The following SATB2 variants were observed in gnomAD, a reference collection of about 807,000 sequenced individuals.
The protein encoded by SATB2 is SATB homeobox 2, also known as DNA-binding protein SATB2.
In SATB2, 1 loss-of-function variant was observed where a neutral mutation model predicts 73.4. The ratio of observed to expected loss-of-function variants is 0.01; its 90% CI spans 0.00 to 0.06. The LOEUF (loss-of-function observed/expected upper bound fraction) is 0.06. Among genes scored for constraint, SATB2 ranks in the 10% least tolerant of loss-of-function variants. The probability of loss-of-function intolerance (pLI) is 1.00; values close to 1 mark genes in which losing one functional copy is unlikely to be tolerated. For synonymous variants in SATB2, 397 were observed against 367.0 expected, an observed-to-expected ratio of 1.08 and a Z score of -0.93; for missense variants, 459 against 945.8, an observed-to-expected ratio of 0.49 and a Z score of 6.75.
At chr2:199,382,140 C>T (rs1275896976) in intron 3 of SATB2, among the ~76,000 whole-genome samples, 1 of 152,012 alleles carries the variant, frequency 6.6e-6, no homozygotes, top group Admixed American at 6.6e-5. Context: ...AAGGCTGATG[C>T]TAAATATACA....
At chr2:199,355,342 G>A (rs74182320) in intron 6 of SATB2, among the ~76,000 whole-genome samples, 1,030 of 5,246 alleles carry the variant, frequency 0.2, 60 homozygotes, top group Middle Eastern at 0.5. Flanking sequence ...GTGTGTGTGT[G>A]TGTATCTATA....
Position 199,308,061 on chromosome 2 carries a change from C to T in SATB2, c.1740+699G>A, listed in dbSNP as rs989034361. ...CTAGGGGGTCTAACGTTGGAAACCT[C>T]AACTAATATTTCTTCTTAAAAGCAA... On this transcript the variant is annotated intron_variant, in intron 10 of 10. Coordinates refer to ENST00000417098, the MANE Select transcript of SATB2 (RefSeq NM_001172509.2). This position sits in a 1 kb window ranked among gnomAD's most constrained non-coding sequence, Gnocchi z 4.6. Among the ~76,000 whole-genome samples, 6 of 152,158 alleles carry T rather than the reference C, an allele frequency of 3.9e-5. No homozygotes were observed. The highest frequency in any genetic ancestry group is 8.8e-5 in the Non-Finnish European group (6 of 68,028).
At chr2:199,277,469 C>A (rs868329432) in intron 10 of SATB2, among the ~76,000 whole-genome samples, 7 of 152,144 alleles carry the variant, frequency 4.6e-5, no homozygotes, top group African/African-American at 1.7e-4. Context: ...CTATCCACTC[C>A]TTTTTACTCT....
rs201077761 is a variant in SATB2, at chr2:199,329,839, T to TGTC, written c.1174-932_1174-930dup. 2.2e-4 allele frequency among the ~76,000 whole-genome samples: 34 copies of TGTC among 152,252 alleles called. No homozygotes were observed. The East Asian group carries it at 6.6e-3, about 29-fold the overall frequency. On this transcript the variant is annotated intron_variant, in intron 7 of 10. Transcript: ENST00000417098. ...GGGCTGGAGATCTAAGGTGGGACATTGTCGTACTGGGGGTAGGTGCAGGTC... is the reference window on the plus strand; with the variant it reads ...GGGCTGGAGATCTAAGGTGGGACATTGTCGTCGTACTGGGGGTAGGTGCAGGTC...
At chr2:199,288,863 AG>A (rs746250782) in intron 10 of SATB2, among the ~76,000 whole-genome samples, 5 of 152,206 alleles carry the variant, frequency 3.3e-5, no homozygotes, top group African/African-American at 1.2e-4. Context: ...TGATCAAAGA[AG>A]GGTTTTCGCC....
At chr2:199,413,247 C>T (rs1690876290) in intron 3 of SATB2, among the ~76,000 whole-genome samples, 1 of 152,160 alleles carries the variant, frequency 6.6e-6, no homozygotes, top group African/African-American at 2.4e-5. Context: ...TTTTGGCTTA[C>T]AGGCTTTGAA....
At chr2:199,391,894 T>C (rs1690154171) in intron 3 of SATB2, among the ~76,000 whole-genome samples, 1 of 152,232 alleles carries the variant, frequency 6.6e-6, no homozygotes, top group East Asian at 1.9e-4. Flanking sequence ...TCCCCTTGCA[T>C]GTCTAGTTAT....
rs1240250915 is a variant in SATB2 at position 199,270,282 on chromosome 2, T to C, written c.*1929A>G. 3.3e-5 allele frequency: 5 copies of C among 152,754 alleles called. No homozygotes were observed. Among genetic ancestry groups the C allele is most frequent in the Non-Finnish European group, 7.3e-5 (5 of 68,028 alleles). 9.5% of individuals were successfully genotyped at this position (152,754 alleles called of 1,614,324 possible). A position where few individuals can be genotyped will look rare whatever the true frequency, so the allele number is the denominator to read the frequency against. Reference sequence around the variant, plus strand: ...TCCCTTTAAAAACTCCAGAGGTTACTGAGCAGCTAGAATTAGCTTGTATTG... The same window carrying C: ...TCCCTTTAAAAACTCCAGAGGTTACCGAGCAGCTAGAATTAGCTTGTATTG... On this transcript the variant is annotated 3_prime_UTR_variant, in exon 11 of 11. Transcript: ENST00000417098.
At chr2:199,378,324 C>T (rs1244948008) in intron 5 of SATB2, among the ~76,000 whole-genome samples, 10 of 152,200 alleles carry the variant, frequency 6.6e-5, no homozygotes, top group South Asian at 6.2e-4. Context: ...AAGCCCATTT[C>T]GACTTCCATG....
At chr2:199,296,684 A>AG (rs1687110004) in intron 10 of SATB2, among the ~76,000 whole-genome samples, 1 of 151,178 alleles carries the variant, frequency 6.6e-6, no homozygotes, top group Non-Finnish European at 1.5e-5. Context: ...GAGCAACCAG[A>AG]GTAAGACCCT....
At chr2:199,332,934 G>A in intron 7 of SATB2, among the ~76,000 whole-genome samples, 1 of 151,932 alleles carries the variant, frequency 6.6e-6, no homozygotes, top group South Asian at 2.1e-4. Context: ...CTCACACCTG[G>A]GCCAGGCTTT....
At chr2:199,379,834 C>A (rs752972092) in intron 5 of SATB2, among the ~76,000 whole-genome samples, 8 of 150,186 alleles carry the variant, frequency 5.3e-5, no homozygotes, top group Non-Finnish European at 1.0e-4. Flanking sequence ...GGCCCGTATA[C>A]GTAAATTGTT....
chr2:199,350,895 C>T (rs1156717323), intron 6 of SATB2, among the ~76,000 whole-genome samples: 2 of 151,758 alleles, frequency 1.3e-5, no homozygotes, highest in Non-Finnish European at 2.9e-5. Context: ...TGGTGGCATG[C>T]GCCTGTAATC....
intron 10 of SATB2, among the ~76,000 whole-genome samples, chr2:199,285,732 A>G (rs1692664229): frequency 1.3e-5 from 2 of 152,010 alleles, no homozygotes; most frequent in Non-Finnish European, 1.5e-5. Context: ...TTAAAAAAAA[A>G]AAGAGAGAGA....
intron 10 of SATB2, among the ~76,000 whole-genome samples, chr2:199,297,504 C>T (rs567912390): frequency 6.6e-6 from 1 of 152,338 alleles, no homozygotes; most frequent in East Asian, 1.9e-4. Context: ...TCTGCATCTT[C>T]ACTCTACTTG....
intron 10 of SATB2, among the ~76,000 whole-genome samples, chr2:199,300,192 A>G (rs904523193): frequency 6.7e-6 from 1 of 149,652 alleles, no homozygotes; most frequent in African/African-American, 2.4e-5. Flanking sequence ...GGAGGCAGGG[A>G]GGGAGGGAGA....
chr2:199,277,926 A>G (rs10497831), intron 10 of SATB2, among the ~76,000 whole-genome samples: 20,369 of 152,162 alleles, frequency 0.13, 1,565 homozygotes, highest in African/African-American at 0.19. Context: ...CTTGTCAAGC[A>G]TATCTTATTC....
At chr2:199,435,362 CT>C (rs756333310) in intron 2 of SATB2, among the ~76,000 whole-genome samples, 7,927 of 145,776 alleles carry the variant, frequency 0.054, 674 homozygotes, top group African/African-American at 0.18. Flanking sequence ...TTCAAATTAT[CT>C]TTTTTTTTTT....
intron 7 of SATB2, among the ~76,000 whole-genome samples, chr2:199,339,442 A>G (rs1688438015): frequency 6.6e-6 from 1 of 152,150 alleles, no homozygotes. Context: ...TATTAATTTA[A>G]TGTTCTGAAA....
Sources: gnomAD v4.1 joint callset for allele counts (sites outside exome capture counted in the v4.1 genomes callset) on GRCh38, gnomAD v4.1.1 for gene constraint, Gnocchi (gnomAD v3.1) non-coding constraint, MANE v1.5 for transcripts, NCBI Gene and HGNC (gene_info 2026-07-23, HGNC 2026-07-21) for gene names.